NFIA: variants seen among roughly 807,000 people sequenced by gnomAD.
NFIA encodes nuclear factor 1 A-type.
A neutral mutation model predicts 62.8 loss-of-function variants in NFIA; 8 were observed. The observed-to-expected ratio is 0.13, with a 90% confidence interval of 0.07 to 0.23. The LOEUF is 0.23. Among genes scored for constraint, NFIA ranks in the 10% least tolerant of loss-of-function variants. The pLI, the probability that NFIA is intolerant of heterozygous loss-of-function variation, is 1.00. For synonymous variants in NFIA, 235 were observed against 238.1 expected (o/e 0.99, Z 0.12); for missense variants, 410 against 642.1 (o/e 0.64, Z 3.91).
At chr1:61,294,910 G>A (rs923632609) in intron 3 of NFIA, among the ~76,000 whole-genome samples, 3 of 152,124 alleles carry the variant, frequency 2.0e-5, no homozygotes, top group African/African-American at 4.8e-5. Context: ...TTCAGTACTC[G>A]ATATTCAGTA....
intron 9 of NFIA, among the ~76,000 whole-genome samples, chr1:61,412,955 G>GA (rs1296831115): frequency 3.3e-5 from 5 of 151,492 alleles, no homozygotes; most frequent in Admixed American, 6.6e-5. Context: ...GACTTTTCCA[G>GA]AAAAAAATGA....
At chr1:61,418,627 A>G (rs568669779) in intron 9 of NFIA, among the ~76,000 whole-genome samples, 2 of 152,330 alleles carry the variant, frequency 1.3e-5, no homozygotes, top group African/African-American at 4.8e-5. Context: ...AGCACATTAC[A>G]TTATTATTTT....
intron 2 of NFIA, among the ~76,000 whole-genome samples, chr1:61,185,015 A>G (rs1651059682): frequency 6.6e-6 from 1 of 152,218 alleles, no homozygotes; most frequent in African/African-American, 2.4e-5. Context: ...ATGAGAACTA[A>G]TGTGAGATTT....
chr1:61,311,689 A>T (rs1429555565), intron 3 of NFIA, among the ~76,000 whole-genome samples: 1 of 152,202 alleles, frequency 6.6e-6, no homozygotes, highest in Non-Finnish European at 1.5e-5. Context: ...TCAAATTAAG[A>T]TAAAAGAAGA....
intron 2 of NFIA, among the ~76,000 whole-genome samples, chr1:61,171,750 G>A (rs1185159588): frequency 6.6e-6 from 1 of 152,156 alleles, no homozygotes; most frequent in Non-Finnish European, 1.5e-5. Context: ...TTGGGGGAAA[G>A]AGAGCACAGA....
intron 6 of NFIA, 99 bp from the exon 7 acceptor site, chr1:61,383,137 CT>C: frequency 6.9e-7 from 1 of 1,449,686 alleles, no homozygotes; most frequent in African/African-American, 1.4e-5. Flanking sequence ...GTGGATTTCT[CT>C]TTTTGTTTGT....
chr1:61,209,821 C>G (rs1653133387), intron 2 of NFIA, among the ~76,000 whole-genome samples: 1 of 151,990 alleles, frequency 6.6e-6, no homozygotes, highest in Non-Finnish European at 1.5e-5. Flanking sequence ...CCACTGCACT[C>G]CAGCCTGGGC....
At chr1:61,143,966 C>T (rs1217448878) in intron 2 of NFIA, among the ~76,000 whole-genome samples, 1 of 152,212 alleles carries the variant, frequency 6.6e-6, no homozygotes, top group Admixed American at 6.5e-5. Context: ...CAGTAAGAAT[C>T]TACTTAGTTT....
At chr1:61,125,705 G>A (rs933839203) in intron 2 of NFIA, among the ~76,000 whole-genome samples, 1 of 152,184 alleles carries the variant, frequency 6.6e-6, no homozygotes, top group Non-Finnish European at 1.5e-5. Flanking sequence ...AAAAACAAGA[G>A]CATTCATTCT....
At chr1:61,283,593 A>AG (rs1658285100) in intron 3 of NFIA, among the ~76,000 whole-genome samples, 1 of 136,492 alleles carries the variant, frequency 7.3e-6, no homozygotes, top group Non-Finnish European at 1.6e-5. Context: ...AAAAAAAAAA[A>AG]AAAAAAAAAA....
At chr1:61,153,687 A>G (rs1166652423) in intron 2 of NFIA, among the ~76,000 whole-genome samples, 1 of 152,246 alleles carries the variant, frequency 6.6e-6, no homozygotes, top group African/African-American at 2.4e-5. Flanking sequence ...TATGAAAAAT[A>G]GTTCCGAGGT....
chr1:61,453,903 A>G (rs1668185977), intron 10 of NFIA, among the ~76,000 whole-genome samples: 1 of 152,210 alleles, frequency 6.6e-6, no homozygotes, highest in Non-Finnish European at 1.5e-5. Flanking sequence ...TGTGTTCCTC[A>G]AAGCATGTGG....
intron 2 of NFIA, among the ~76,000 whole-genome samples, chr1:61,123,440 G>A (rs1646920451): frequency 6.6e-6 from 1 of 152,208 alleles, no homozygotes; most frequent in Non-Finnish European, 1.5e-5. Flanking sequence ...AAATATAGGT[G>A]AAAGAATTTC....
intron 4 of NFIA, among the ~76,000 whole-genome samples, chr1:61,340,718 G>A (rs1017246141): frequency 6.6e-6 from 1 of 152,140 alleles, no homozygotes; most frequent in Admixed American, 6.5e-5. Context: ...GTGTGTGTGC[G>A]TGTATAAATT....
intron 6 of NFIA, among the ~76,000 whole-genome samples, chr1:61,360,713 A>T (rs1269034105): frequency 2.0e-5 from 3 of 152,214 alleles, no homozygotes; most frequent in Non-Finnish European, 4.4e-5. Flanking sequence ...GGGGTGATAG[A>T]ACCATTCTGT....
At chr1:61,367,935 A>G (rs948073131) in intron 6 of NFIA, among the ~76,000 whole-genome samples, 4 of 152,204 alleles carry the variant, frequency 2.6e-5, no homozygotes, top group African/African-American at 9.6e-5. Flanking sequence ...AAATAAGTAA[A>G]TAATAAGATG....
At chr1:61,420,586 G>T (rs973095127) in intron 9 of NFIA, among the ~76,000 whole-genome samples, 1 of 152,068 alleles carries the variant, frequency 6.6e-6, no homozygotes, top group Non-Finnish European at 1.5e-5. Flanking sequence ...AACTTGTTTT[G>T]ATTACTTTTG....
At chr1:61,135,076 T>A (rs1398272148) in intron 2 of NFIA, among the ~76,000 whole-genome samples, 1 of 152,250 alleles carries the variant, frequency 6.6e-6, no homozygotes, top group Admixed American at 6.5e-5. Context: ...TTCTTAAATC[T>A]AAGAAACAAA....
chr1:61,418,657 C>A (rs535772306), intron 9 of NFIA, among the ~76,000 whole-genome samples: 2 of 152,262 alleles, frequency 1.3e-5, no homozygotes, highest in East Asian at 3.9e-4. Flanking sequence ...TTAATGGCTG[C>A]AAAATATTCC....
Sources: gnomAD v4.1 joint callset for allele counts (sites outside exome capture counted in the v4.1 genomes callset) on GRCh38, gnomAD v4.1.1 for gene constraint, MANE v1.5 for transcripts, NCBI Gene and HGNC (gene_info 2026-07-23, HGNC 2026-07-21) for gene names.